Variants in SSBP2 observed in about 807,000 individuals in gnomAD.
The protein encoded by SSBP2 is single stranded DNA binding protein 2, also known as single-stranded DNA-binding protein 2.
In SSBP2, 17 loss-of-function variants were observed where a neutral mutation model predicts 61.8. The observed-to-expected ratio is 0.28, with a 90% CI of 0.19 to 0.41. The LOEUF is 0.41. SSBP2 is among the 10% of genes least tolerant of loss of function. SSBP2 has a pLI of 1.00. For synonymous variants in SSBP2, 139 were observed against 141.3 expected, an observed-to-expected ratio of 0.98 and a Z score of 0.12; for missense variants, 310 against 458.7, an observed-to-expected ratio of 0.68 and a Z score of 2.96.
intron 5 of SSBP2, among the ~76,000 whole-genome samples, chr5:81,493,263 TA>T (rs1767007871): frequency 8.9e-6 from 1 of 112,500 alleles, no homozygotes; most frequent in African/African-American, 3.2e-5. Flanking sequence ...GATAGATAGA[TA>T]GATAGATAGA....
chr5:81,688,303 G>A (rs1316459663), intron 1 of SSBP2, among the ~76,000 whole-genome samples: 1 of 152,204 alleles, frequency 6.6e-6, no homozygotes, highest in Non-Finnish European at 1.5e-5. Context: ...CCAGGCCCTG[G>A]CTGCTGAATG....
Position 81,544,110 on chromosome 5 carries a change from C to A in SSBP2, c.283-30393G>T, listed in dbSNP as rs547104999. ...TGTGGCCCAGGCTGGAGTGCAGTGG[C>A]GGGATCTCGGCTCACTGCAAGCTCC... On this transcript the variant is annotated intron_variant, in intron 4 of 16. Transcript: ENST00000320672. Among the ~76,000 whole-genome samples the A allele has an allele frequency of 1.9e-3, 291 of 152,208 alleles. 2 individuals carry two copies. The highest frequency in any genetic ancestry group is 3.9e-3 in the Admixed American group (60 of 15,288).
intron 1 of SSBP2, among the ~76,000 whole-genome samples, chr5:81,693,379 T>C (rs989455921): frequency 5.9e-5 from 9 of 151,834 alleles, no homozygotes; most frequent in African/African-American, 2.2e-4. Flanking sequence ...CTGAACAAAG[T>C]TAAAAGAGAC....
chr5:81,714,858 C>T (rs1039590922), intron 1 of SSBP2, among the ~76,000 whole-genome samples: 5 of 151,892 alleles, frequency 3.3e-5, no homozygotes, highest in Admixed American at 2.6e-4. Context: ...TGTAAAGCAA[C>T]GGCAACAAAA....
chr5:81,527,088 A>C (rs1005769625), intron 4 of SSBP2, among the ~76,000 whole-genome samples: 5 of 152,078 alleles, frequency 3.3e-5, no homozygotes, highest in South Asian at 4.1e-4. Flanking sequence ...AGATATATTA[A>C]GAAAAGTCAA....
intron 4 of SSBP2, among the ~76,000 whole-genome samples, chr5:81,561,938 C>CT (rs1773070813): frequency 6.6e-6 from 1 of 152,134 alleles, no homozygotes; most frequent in Non-Finnish European, 1.5e-5. Context: ...GAGTTTCACT[C>CT]TTGTCACTCA....
intron 4 of SSBP2, among the ~76,000 whole-genome samples, chr5:81,599,901 C>A (rs1356229366): frequency 6.6e-6 from 1 of 152,204 alleles, no homozygotes; most frequent in African/African-American, 2.4e-5. Context: ...TCACCCTCAA[C>A]AAATGTTTCC....
intron 4 of SSBP2, among the ~76,000 whole-genome samples, chr5:81,614,352 T>TC (rs1386564468): frequency 4.6e-5 from 4 of 86,554 alleles, no homozygotes; most frequent in African/African-American, 2.1e-4. Flanking sequence ...ACAGCGAGAC[T>TC]CCGTCTCAAA....
In SSBP2 at chr5:81,446,958, C is replaced by T. The variant is rs765318098; in HGVS notation, c.724-36G>A. 17 of 1,508,008 alleles carry T rather than the reference C, an allele frequency of 1.1e-5. No individual in the cohort carries two copies. In the African/African-American group the frequency reaches 2.2e-4, roughly 20 times the overall value. 93.4% of individuals were successfully genotyped at this position (1,508,008 alleles called of 1,614,324 possible). A position where few individuals can be genotyped will look rare whatever the true frequency, so the allele number is the denominator to read the frequency against. On this transcript the variant is annotated intron_variant, in intron 11 of 16. Coordinates refer to ENST00000320672, the MANE Select transcript of SSBP2 (RefSeq NM_012446.5). ...ATACAAAATTTCAGTAAAAATAAGGCATTGCATAAGAAAAAACAGAAGTTA... is the reference window on the plus strand; with the variant it reads ...ATACAAAATTTCAGTAAAAATAAGGTATTGCATAAGAAAAAACAGAAGTTA...
At chr5:81,751,178 T>C, upstream of SSBP2, 3 of 920,772 alleles carry the variant, frequency 3.3e-6, no homozygotes, top group East Asian at 2.7e-5. Context: ...TCCGCCCCCT[T>C]CGCCCAGGCA....
At chr5:81,580,851 A>G (rs1213685475) in intron 4 of SSBP2, among the ~76,000 whole-genome samples, 3 of 152,086 alleles carry the variant, frequency 2.0e-5, no homozygotes, top group Non-Finnish European at 4.4e-5. Context: ...TTCTAGTTCC[A>G]CTATGATCCC....
At chr5:81,474,590 G>A (rs1280853499) in intron 6 of SSBP2, 28 bp from the exon 7 acceptor site, 4 of 1,521,302 alleles carry the variant, frequency 2.6e-6, no homozygotes, top group Non-Finnish European at 3.6e-6. Context: ...AAAATAAAGA[G>A]CAATATTGTA....
intron 4 of SSBP2, among the ~76,000 whole-genome samples, chr5:81,611,034 T>A (rs1271381420): frequency 2.0e-5 from 3 of 152,134 alleles, no homozygotes; most frequent in Non-Finnish European, 2.9e-5. Context: ...GATAACCTAG[T>A]CTTGTGAGCA....
intron 4 of SSBP2, among the ~76,000 whole-genome samples, chr5:81,596,393 CA>C (rs1743752984): frequency 7.7e-6 from 1 of 129,336 alleles, no homozygotes; most frequent in Non-Finnish European, 1.6e-5. Flanking sequence ...GAATCAATAT[CA>C]TGAAAATGGC....
chr5:81,500,055 A>G (rs1361906711), intron 5 of SSBP2, among the ~76,000 whole-genome samples: 1 of 152,242 alleles, frequency 6.6e-6, no homozygotes, highest in South Asian at 2.1e-4. Flanking sequence ...ATCTTCTGAT[A>G]TAACTGGCTG....
intron 1 of SSBP2, among the ~76,000 whole-genome samples, chr5:81,713,148 C>A (rs781007143): frequency 4.6e-5 from 7 of 151,976 alleles, no homozygotes; most frequent in Non-Finnish European, 5.9e-5. Context: ...ACTAAACAGA[C>A]AAAAGAGCAA....
chr5:81,671,659 ACTTAAGAAAAAAACAAAAT>A lies in SSBP2; in HGVS notation c.63-21339_63-21321del, dbSNP rs1447720319. 1.4e-4 allele frequency among the ~76,000 whole-genome samples: 21 copies of A among 152,296 alleles called. No individual in the cohort carries two copies. In the South Asian group the frequency reaches 3.9e-3, roughly 29 times the overall value. On this transcript the variant is annotated intron_variant, in intron 1 of 16. Transcript: ENST00000320672. ...AGTAAGCTTCTATTAATGTTCCAGC[ACTTAAGAAAAAAACAAAAT>A]CTTAAGAAAAAAACAAGATGCAAAT...
chr5:81,559,384 C>CAAA lies in SSBP2; in HGVS notation c.283-45670_283-45668dup, dbSNP rs36034616. Among the ~76,000 whole-genome samples the CAAA allele has an allele frequency of 1.4e-3, 133 of 95,936 alleles. 1 individual carries two copies. The highest frequency in any genetic ancestry group is 4.4e-3 in the African/African-American group (109 of 24,836). 62.9% of individuals were successfully genotyped at this position (95,936 alleles called of 152,430 possible). On this transcript the variant is annotated intron_variant, in intron 4 of 16. Coordinates refer to ENST00000320672, the MANE Select transcript of SSBP2 (RefSeq NM_012446.5). ...CCTGGTTGACAGAGCGAGATTTCATCAAAAAAAAAAAAAAAAAAAAATTAG... is the reference window on the plus strand; with the variant it reads ...CCTGGTTGACAGAGCGAGATTTCATCAAAAAAAAAAAAAAAAAAAAAAAATTAG...
chr5:81,559,184 G>C (rs1308282364), intron 4 of SSBP2, among the ~76,000 whole-genome samples: 3 of 152,138 alleles, frequency 2.0e-5, no homozygotes, highest in South Asian at 2.1e-4. Context: ...TCAGGAGTTC[G>C]AGACCAGCCT....
Sources: allele counts gnomAD v4.1 joint callset (sites outside exome capture counted in the v4.1 genomes callset), GRCh38; gene constraint gnomAD v4.1.1; transcripts MANE v1.5; gene names NCBI Gene and HGNC (gene_info 2026-07-23, HGNC 2026-07-21).